LAT2: variants seen among roughly 807,000 people sequenced by gnomAD.
LAT2 encodes the protein linker for activation of T cells family member 2.
Under a neutral mutation model 43.4 loss-of-function variants are expected in LAT2, and 23 were observed. The observed-to-expected ratio is 0.53, with a 90% CI of 0.38 to 0.75. The LOEUF is 0.75. Among genes scored for constraint, LAT2 ranks in the 30% least tolerant of loss-of-function variants. The probability of loss-of-function intolerance (pLI) is 0.00; values close to 1 mark genes in which losing one functional copy is unlikely to be tolerated. For synonymous variants in LAT2, 128 were observed against 123.2 expected (o/e 1.04, Z -0.26); for missense variants, 284 against 310.2 (o/e 0.92, Z 0.64).
At chr7:74,226,679 G>C (rs541519522) in intron 13 of LAT2, among the ~76,000 whole-genome samples, 1 of 152,146 alleles carries the variant, frequency 6.6e-6, no homozygotes, top group East Asian at 1.9e-4. Flanking sequence ...CAAGAAAACA[G>C]ATAAGAAGAC....
At chr7:74,221,449 G>A (rs1554715248) in intron 9 of LAT2, among the ~76,000 whole-genome samples, 188 bp from the exon 10 acceptor site, 1 of 138,182 alleles carries the variant, frequency 7.2e-6, no homozygotes, top group Admixed American at 7.3e-5. Context: ...AGTGGCTCCA[G>A]CCCCTGGTGG....
rs546287545 is a variant in LAT2 at position 74,216,064 on chromosome 7, G to A, written c.89G>A (p.Arg30His). ...GCCAGTCTGTGTGTGCGCTGCTCAC[G>A]CCCAGGTAAGCGGGGGTCTCGGGGA... is the stretch of plus-strand genomic sequence containing the variant. ...VAASLCVRCS[R>H]PGAKRSEKIY... Residue 30 changes from arginine (R) to histidine (H), a missense_variant, in exon 3 of 14, where the codon CGC becomes CAC. Arg to His is a conservative substitution (Grantham distance 29). Coordinates refer to ENST00000460943, the MANE Select transcript of LAT2 (RefSeq NM_032464.3). 6.2e-6 allele frequency: 10 copies of A among 1,610,082 alleles called. No homozygotes were observed. Among genetic ancestry groups the A allele is most frequent in the East Asian group, 4.5e-5 (2 of 44,850 alleles).
Position 74,220,716 on chromosome 7 carries a change from G to A in LAT2, c.314G>A (p.Gly105Glu), listed in dbSNP as rs782198623. 6 of 1,606,036 alleles carry A rather than the reference G, an allele frequency of 3.7e-6. No homozygotes were observed. The African/African-American group carries it at 8.0e-5, about 21-fold the overall frequency. The change falls in exon 9 of 14, where the codon GGG becomes GAG. Residue 105 changes from glycine to glutamate, a missense_variant. Coordinates refer to ENST00000460943, the MANE Select transcript of LAT2 (RefSeq NM_032464.3). The surrounding 1 kb of genome is among the most constrained non-coding windows in gnomAD (Gnocchi z 4.5). Reference protein sequence around the residue: ...YQNFSKGSRHGSEEAYIDPIA... With the variant: ...YQNFSKGSRHESEEAYIDPIA... Reference sequence around the variant, plus strand: ...CCTCCTCCCGCAGGAAGCAGACACGGGTCGGAGGAAGCCTACATGTGAGTG... The same window carrying A: ...CCTCCTCCCGCAGGAAGCAGACACGAGTCGGAGGAAGCCTACATGTGAGTG...
intron 10 of LAT2, among the ~76,000 whole-genome samples, chr7:74,222,009 C>T (rs1333463116): frequency 6.6e-6 from 1 of 151,844 alleles, no homozygotes; most frequent in East Asian, 1.9e-4. Flanking sequence ...TCTCCTGACC[C>T]CAGAAGGTAC....
intron 1 of LAT2, 29 bp from the exon 2 acceptor site, chr7:74,214,789 ATATT>A (rs1349261440): frequency 2.2e-5 from 2 of 89,458 alleles, no homozygotes; most frequent in Middle Eastern, 5.2e-3. Context: ...ATATATATAT[ATATT>A]TTTTTTTTTT....
chr7:74,221,580 C>T (rs1178904008), intron 9 of LAT2, 57 bp from the exon 10 acceptor site: 80 of 1,487,840 alleles, frequency 5.4e-5, no homozygotes, highest in Non-Finnish European at 7.0e-5. Flanking sequence ...TTATGGAGCC[C>T]CCAACCCGAT....
chr7:74,227,815 G>A (rs1162129369), intron 13 of LAT2, among the ~76,000 whole-genome samples: 3 of 152,144 alleles, frequency 2.0e-5, no homozygotes, highest in East Asian at 1.9e-4. Flanking sequence ...GAGCTGCTGT[G>A]TGAGCTGTGA....
chr7:74,223,901 G>A (rs538537362), intron 11 of LAT2, 117 bp from the exon 12 acceptor site: 14 of 1,472,938 alleles, frequency 9.5e-6, no homozygotes, highest in East Asian at 4.5e-5. Flanking sequence ...GAAGGCTCTC[G>A]GATCCCCAGG....
At chr7:74,228,857 G>A (rs1440207080) in intron 13 of LAT2, 87 bp from the exon 14 acceptor site, 1 of 151,968 alleles carries the variant, frequency 6.6e-6, no homozygotes, top group Non-Finnish European at 1.5e-5. Flanking sequence ...AGGCTCAATG[G>A]TGTCCCCAAA....
chr7:74,213,096 G>A (rs782806059), intron 1 of LAT2, among the ~76,000 whole-genome samples: 2 of 152,138 alleles, frequency 1.3e-5, no homozygotes, highest in Admixed American at 1.3e-4. Context: ...GAGGTAGGCA[G>A]CCTGGAGCTC....
intron 10 of LAT2, among the ~76,000 whole-genome samples, chr7:74,222,018 AC>A (rs1802303676): frequency 6.6e-6 from 1 of 151,832 alleles, no homozygotes; most frequent in Non-Finnish European, 1.5e-5. Context: ...CCCAGAAGGT[AC>A]CTGGGATGGT....
Position 74,215,963 on chromosome 7 carries a change from A to C in LAT2, c.-13A>C. ...CCATTTCAGCATCACAAGAGGCAACACCAGGAGCCAACATGAGCTCGGGGA... is the reference window on the plus strand; with the variant it reads ...CCATTTCAGCATCACAAGAGGCAACCCCAGGAGCCAACATGAGCTCGGGGA... On this transcript the variant is annotated 5_prime_UTR_variant, in exon 3 of 14. Transcript: ENST00000460943. The C allele has an allele frequency of 6.2e-7, 1 of 1,613,724 alleles. No homozygotes were observed. Among genetic ancestry groups the C allele is most frequent in the Non-Finnish European group, 8.5e-7 (1 of 1,179,722 alleles).
Position 74,220,071 on chromosome 7 carries a change from C to T in LAT2, c.227+63C>T. The T allele has an allele frequency of 6.3e-7, 1 of 1,587,388 alleles. No individual in the cohort carries two copies. The highest frequency in any genetic ancestry group is 8.6e-7 in the Non-Finnish European group (1 of 1,161,428). ...GTCCTGGAGGTCCTCACCTGGTGAG[C>T]CCAGGTCAAGACCTCCCTCCCTCCC... On this transcript the variant is annotated intron_variant, in intron 6 of 13. Transcript: ENST00000460943. This position sits in a 1 kb window ranked among gnomAD's most constrained non-coding sequence, Gnocchi z 4.5.
intron 1 of LAT2, among the ~76,000 whole-genome samples, chr7:74,213,951 C>T (rs552598899): frequency 8.8e-5 from 13 of 147,720 alleles, no homozygotes; most frequent in Non-Finnish European, 1.8e-4. Context: ...GCCAGGTCTC[C>T]TTATTATTAT....
chr7:74,214,360 A>ATTT (rs1801896326), intron 1 of LAT2, among the ~76,000 whole-genome samples: 1 of 49,988 alleles, frequency 2.0e-5, no homozygotes, highest in Non-Finnish European at 3.9e-5. Flanking sequence ...ATATATATAT[A>ATTT]AATATATATA....
chr7:74,216,085 G>T lies in LAT2; in HGVS notation c.94+16G>T. The T allele has an allele frequency of 6.3e-7, 1 of 1,598,744 alleles. No homozygotes were observed. The highest frequency in any genetic ancestry group is 2.2e-5 in the East Asian group (1 of 44,784). ...TCACGCCCAGGTAAGCGGGGGTCTC[G>T]GGGACGTGATGGGGAGAAGGTGTGG... On this transcript the variant is annotated intron_variant, in intron 3 of 13. Transcript: ENST00000460943.
rs148119393 is a variant in LAT2, at chr7:74,227,000, G to C, written c.*19-1944G>C. Reference sequence around the variant, plus strand: ...GGCTGACCAGGCAGGGCCAGCACTTGGGGTTTTACTGCATGAGATGGGAGG... The same window carrying C: ...GGCTGACCAGGCAGGGCCAGCACTTCGGGTTTTACTGCATGAGATGGGAGG... On this transcript the variant is annotated intron_variant, in intron 13 of 13. Coordinates refer to ENST00000460943, the MANE Select transcript of LAT2 (RefSeq NM_032464.3). Among the ~76,000 whole-genome samples the C allele has an allele frequency of 3.0e-3, 449 of 151,906 alleles. 5 individuals are homozygous for C. Among genetic ancestry groups the C allele is most frequent in the African/African-American group, 8.9e-3 (369 of 41,336 alleles).
At chr7:74,214,499 AAT>A (rs543399585) in intron 1 of LAT2, among the ~76,000 whole-genome samples, 8 of 28,928 alleles carry the variant, frequency 2.8e-4, no homozygotes, top group Admixed American at 8.3e-4. Flanking sequence ...TATATATATA[AAT>A]ATATATATAT....
chr7:74,220,836 T>C lies in LAT2; in HGVS notation c.332+102T>C, dbSNP rs2116158295. On this transcript the variant is annotated intron_variant, in intron 9 of 13. Transcript: ENST00000460943. This position sits in a 1 kb window ranked among gnomAD's most constrained non-coding sequence, Gnocchi z 4.5. ...CTGCCCCACCTGCCTGCCACAGCCC[T>C]GGGCTTCCTGGTCCAGGAACCACCT... is the stretch of plus-strand genomic sequence containing the variant. The C allele has an allele frequency of 3.2e-6, 3 of 939,472 alleles. No homozygotes were observed. The South Asian group carries it at 5.2e-5, about 16-fold the overall frequency. The allele number at this position is 939,472 out of a possible 1,614,324, so 58.2% of individuals were successfully genotyped here. A position where few individuals can be genotyped will look rare whatever the true frequency, so the allele number is the denominator to read the frequency against.
Sources: allele counts gnomAD v4.1 joint callset (sites outside exome capture counted in the v4.1 genomes callset), GRCh38; gene constraint gnomAD v4.1.1; non-coding constraint Gnocchi (gnomAD v3.1); transcripts MANE v1.5; gene names NCBI Gene and HGNC (gene_info 2026-07-23, HGNC 2026-07-21).